TLN2: variants seen among roughly 807,000 people sequenced by gnomAD.
The protein encoded by TLN2 is talin-2.
Under a neutral mutation model 294.7 loss-of-function variants are expected in TLN2, and 118 were observed. The observed-to-expected ratio is 0.40, with a 90% CI of 0.34 to 0.47. TLN2 has a LOEUF of 0.47. TLN2 is among the 20% of genes least tolerant of loss of function. TLN2 has a pLI of 0.84. For missense variants in TLN2, 3,083 were observed against 3,282.2 expected (o/e 0.94, Z 1.48); for synonymous variants, 1,431 against 1,304.5 (o/e 1.10, Z -2.09).
At chr15:62,525,504 A>G (rs1268024168) in intron 1 of TLN2, among the ~76,000 whole-genome samples, 1 of 152,146 alleles carries the variant, frequency 6.6e-6, no homozygotes, top group Non-Finnish European at 1.5e-5. Context: ...TTCTCTGGCC[A>G]TTGGCAGAAC....
In TLN2 at chr15:62,513,972, C is replaced by T. The variant is rs563637983; in HGVS notation, c.-237-75715C>T. Among the ~76,000 whole-genome samples the T allele has an allele frequency of 9.8e-5, 15 of 152,352 alleles. No individual in the cohort carries two copies. In the East Asian group the frequency reaches 1.7e-3, roughly 18 times the overall value. Reference sequence around the variant, plus strand: ...CAGATCTCTTACAAGTTAACCCCTCCGCCCTCTACTAACCAAAGCAAAAGA... The same window carrying T: ...CAGATCTCTTACAAGTTAACCCCTCTGCCCTCTACTAACCAAAGCAAAAGA... On this transcript the variant is annotated intron_variant, in intron 1 of 58. Coordinates refer to ENST00000636159, the MANE Select transcript of TLN2 (RefSeq NM_015059.3).
chr15:62,639,233 CTATATCT>C (rs2050718684), intron 3 of TLN2, among the ~76,000 whole-genome samples: 4 of 2,816 alleles, frequency 1.4e-3, no homozygotes, highest in South Asian at 0.12. Flanking sequence ...GGTTATAGAT[CTATATCT>C]ATATCTATAT....
At chr15:62,762,584 C>A in intron 39 of TLN2, 131 bp downstream of exon 39, 1 of 1,024,862 alleles carries the variant, frequency 9.8e-7, no homozygotes, top group Non-Finnish European at 1.4e-6. Flanking sequence ...TCTTTGGGGC[C>A]GGAAGCACTG....
Position 62,724,721 on chromosome 15 carries a change from A to G in TLN2, c.3127-255A>G, listed in dbSNP as rs550568156. ...AGTCTAAGAGGCAAGTGCATTTCAG[A>G]TAAGGGTCACTTCCGGAACTCTTAC... On this transcript the variant is annotated intron_variant, in intron 26 of 58. Coordinates refer to ENST00000636159, the MANE Select transcript of TLN2 (RefSeq NM_015059.3). 5.3e-5 allele frequency among the ~76,000 whole-genome samples: 8 copies of G among 152,284 alleles called. No individual in the cohort carries two copies. The South Asian group carries it at 1.0e-3, about 20-fold the overall frequency.
At chr15:62,437,340 G>C (rs1341061000) in intron 1 of TLN2, among the ~76,000 whole-genome samples, 3 of 152,020 alleles carry the variant, frequency 2.0e-5, no homozygotes, top group African/African-American at 7.3e-5. Context: ...CTGGTGATTG[G>C]TGGTGGCTGC....
rs1158778982 is a variant in TLN2 at position 62,698,838 on chromosome 15, G to A, written c.1558G>A (p.Asp520Asn). ...QQAQDDLSEL[D>N]SLPPLGQDMA... ...GGCCCAGGATGATCTCAGTGAGCTC[G>A]ACTCGCTGCCACCTCTCGGCCAGGA... Residue 520 changes from aspartate (D) to asparagine (N), a missense_variant, in exon 16 of 59, where the codon GAC (aspartate) becomes AAC (asparagine). Coordinates refer to ENST00000636159, the MANE Select transcript of TLN2 (RefSeq NM_015059.3). 13 of 1,612,890 alleles carry A rather than the reference G, an allele frequency of 8.1e-6. No individual in the cohort carries two copies. The highest frequency in any genetic ancestry group is 5.5e-5 in the South Asian group (5 of 91,062).
At position 62,825,836 on chromosome 15, in the gene TLN2, A is replaced by ATTATATATTATAATATATAAT. The variant is rs1555522053; in HGVS notation, c.7002+5226_7002+5227insTTATATATTATAATATATAAT. Among the ~76,000 whole-genome samples the ATTATATATTATAATATATAAT allele has an allele frequency of 1.1e-3, 85 of 77,030 alleles. 6 individuals are homozygous for ATTATATATTATAATATATAAT. The highest frequency in any genetic ancestry group is 9.5e-3 in the East Asian group (29 of 3,062). The allele number at this position is 77,030 out of a possible 152,430, so 50.5% of individuals were successfully genotyped here. A position where few individuals can be genotyped will look rare whatever the true frequency, so the allele number is the denominator to read the frequency against. Reference sequence around the variant, plus strand: ...TATTATAATATATATTATAATATATAATATATATAAATATATTATATATAT... The same window carrying ATTATATATTATAATATATAAT: ...TATTATAATATATATTATAATATATATTATATATTATAATATATAATATATATATAAATATATTATATATAT... On this transcript the variant is annotated intron_variant, in intron 54 of 58. Coordinates refer to ENST00000636159, the MANE Select transcript of TLN2 (RefSeq NM_015059.3).
intron 1 of TLN2, among the ~76,000 whole-genome samples, chr15:62,548,488 C>T (rs554193226): frequency 4.9e-4 from 75 of 152,288 alleles, no homozygotes; most frequent in African/African-American, 1.6e-3. Context: ...ACAGGGTTCT[C>T]TAGGTGTGTC....
intron 1 of TLN2, among the ~76,000 whole-genome samples, chr15:62,545,854 G>T (rs1055938733): frequency 4.6e-5 from 7 of 152,196 alleles, no homozygotes; most frequent in Non-Finnish European, 8.8e-5. Context: ...AAAGTTGGGG[G>T]TGTTTGTATC....
intron 2 of TLN2, among the ~76,000 whole-genome samples, chr15:62,595,265 C>CAA (rs1419888898): frequency 6.6e-6 from 1 of 151,890 alleles, no homozygotes; most frequent in African/African-American, 2.4e-5. Flanking sequence ...ACTGAAAATA[C>CAA]AAAAATTAAC....
intron 54 of TLN2, among the ~76,000 whole-genome samples, chr15:62,823,679 A>C (rs2067778153): frequency 6.6e-6 from 1 of 152,150 alleles, no homozygotes; most frequent in Non-Finnish European, 1.5e-5. Flanking sequence ...ATTCTGGTAC[A>C]TTTCCACCTC....
At chr15:62,411,675 A>T (rs931648735) in intron 1 of TLN2, among the ~76,000 whole-genome samples, 1 of 152,124 alleles carries the variant, frequency 6.6e-6, no homozygotes, top group Admixed American at 6.5e-5. Flanking sequence ...GAGATAGTGA[A>T]TGATGCCTTT....
intron 8 of TLN2, among the ~76,000 whole-genome samples, chr15:62,657,214 C>A (rs1346508116): frequency 6.6e-6 from 1 of 151,842 alleles, no homozygotes; most frequent in African/African-American, 2.4e-5. Flanking sequence ...AGTTCAGACA[C>A]AACAAGCTCC....
At chr15:62,500,794 T>G (rs970798505) in intron 1 of TLN2, among the ~76,000 whole-genome samples, 1 of 152,194 alleles carries the variant, frequency 6.6e-6, no homozygotes, top group Non-Finnish European at 1.5e-5. Flanking sequence ...TTGGGCAACT[T>G]TTTCCTGCTA....
At chr15:62,611,049 T>A (rs902089134) in intron 2 of TLN2, among the ~76,000 whole-genome samples, 1 of 152,170 alleles carries the variant, frequency 6.6e-6, no homozygotes, top group Non-Finnish European at 1.5e-5. Context: ...GCTCTAAGCC[T>A]GAGTTTCTCA....
intron 54 of TLN2, chr15:62,830,489 C>T (rs535385827): frequency 6.6e-6 from 1 of 152,368 alleles, no homozygotes; most frequent in African/African-American, 2.4e-5. Context: ...CTGTTTCCTT[C>T]TTGTGATATG....
In TLN2 at chr15:62,505,125, T is replaced by A. The variant is rs1419405236; in HGVS notation, c.-237-84562T>A. Among the ~76,000 whole-genome samples, 3 of 151,728 alleles carry A rather than the reference T, an allele frequency of 2.0e-5. No individual in the cohort carries two copies. In the East Asian group the frequency reaches 5.8e-4, roughly 29 times the overall value. ...GCGCCTGCCACTATGCCCAGCTAAT[T>A]TTTTTGTATTTTTAGTAGAGACGGG... On this transcript the variant is annotated intron_variant, in intron 1 of 58. Transcript: ENST00000636159.
intron 1 of TLN2, among the ~76,000 whole-genome samples, chr15:62,425,174 A>G (rs1342648716): frequency 1.3e-5 from 2 of 152,030 alleles, no homozygotes; most frequent in Non-Finnish European, 2.9e-5. Context: ...GCTGGTCTCG[A>G]ACTCCTGGCT....
At chr15:62,682,544 G>A (rs146027859) in intron 11 of TLN2, among the ~76,000 whole-genome samples, 1 of 152,116 alleles carries the variant, frequency 6.6e-6, no homozygotes, top group African/African-American at 2.4e-5. Flanking sequence ...TCTTGGATAA[G>A]TTACCTTACC....
Sources: allele counts gnomAD v4.1 joint callset (sites outside exome capture counted in the v4.1 genomes callset), GRCh38; gene constraint gnomAD v4.1.1; transcripts MANE v1.5; gene names NCBI Gene and HGNC (gene_info 2026-07-23, HGNC 2026-07-21).